MSMB: variants seen among roughly 807,000 people sequenced by gnomAD.
MSMB encodes the protein microseminoprotein beta.
A neutral mutation model predicts 10.5 loss-of-function variants in MSMB; 10 were observed. The observed-to-expected ratio is 0.95, with a 90% confidence interval of 0.59 to 1.62. The LOEUF (loss-of-function observed/expected upper bound fraction) is 1.62. Among genes scored for constraint, MSMB ranks in the 40% most tolerant of loss-of-function variants. The pLI, the probability that MSMB is intolerant of heterozygous loss-of-function variation, is 0.00. For synonymous variants in MSMB, 43 were observed against 46.5 expected (o/e 0.93, Z 0.30); for missense variants, 126 against 137.4 (o/e 0.92, Z 0.42).
Position 46,033,398 on chromosome 10 carries a change from A to T in MSMB, c.*24T>A. 3.1e-6 allele frequency: 5 copies of T among 1,612,244 alleles called. No homozygotes were observed. Among genetic ancestry groups the T allele is most frequent in the Non-Finnish European group, 4.2e-6 (5 of 1,178,704 alleles). Reference sequence around the variant, plus strand: ...AGAGGAGAATGAGGCCTGGCCTGGGAGCCCTGTGCCTACTAGAAGCACATT... The same window carrying T: ...AGAGGAGAATGAGGCCTGGCCTGGGTGCCCTGTGCCTACTAGAAGCACATT... On this transcript the variant is annotated 3_prime_UTR_variant, in exon 4 of 4. Transcript: ENST00000582163.
intron 1 of MSMB, among the ~76,000 whole-genome samples, chr10:46,040,442 G>C (rs1554928348): frequency 6.6e-6 from 1 of 152,200 alleles, no homozygotes; most frequent in Non-Finnish European, 1.5e-5. Flanking sequence ...CGCCCATGCT[G>C]AAGTTCTCTG....
chr10:46,035,982 C>T (rs1169290507), intron 3 of MSMB, among the ~76,000 whole-genome samples: 2 of 152,158 alleles, frequency 1.3e-5, no homozygotes, highest in Admixed American at 6.5e-5. Context: ...TCAATGCAAA[C>T]CAGACTTAGC....
At chr10:46,045,018 G>C (rs1025639032) in intron 1 of MSMB, among the ~76,000 whole-genome samples, 1 of 152,070 alleles carries the variant, frequency 6.6e-6, no homozygotes, top group Non-Finnish European at 1.5e-5. Context: ...GAGCAAGTTT[G>C]TCTTGCCGAG....
chr10:46,040,454 C>G (rs1840715734), intron 1 of MSMB, among the ~76,000 whole-genome samples: 1 of 152,152 alleles, frequency 6.6e-6, no homozygotes, highest in Non-Finnish European at 1.5e-5. Flanking sequence ...AGTTCTCTGC[C>G]ACTAAGCCAA....
chr10:46,039,398 C>T (rs1306326851), intron 2 of MSMB, among the ~76,000 whole-genome samples: 1 of 152,168 alleles, frequency 6.6e-6, no homozygotes, highest in Non-Finnish European at 1.5e-5. Flanking sequence ...ACATTTTTTC[C>T]TACTGGATTA....
chr10:46,038,988 T>C lies in MSMB; in HGVS notation c.193A>G (p.Thr65Ala), dbSNP rs1554927982. ...TACAGGGTGCAACATGAAATTTCTG[T>C]TTCGTAGCAAGTGCATGTCTCACAG... ...DNCETCTCYETEISCCTLVST... is the reference protein window; with the variant it reads ...DNCETCTCYEAEISCCTLVST... Residue 65 changes from threonine to alanine, a missense_variant, in exon 3 of 4, where the codon ACA becomes GCA. Coordinates refer to ENST00000582163, the MANE Select transcript of MSMB (RefSeq NM_002443.4). 1 of 1,613,982 alleles carries C rather than the reference T, an allele frequency of 6.2e-7. No individual in the cohort carries two copies. The highest frequency in any genetic ancestry group is 1.7e-5 in the Admixed American group (1 of 60,022).
intron 3 of MSMB, among the ~76,000 whole-genome samples, chr10:46,038,009 A>G (rs1554927781): frequency 6.6e-6 from 1 of 152,208 alleles, no homozygotes; most frequent in East Asian, 1.9e-4. Context: ...AAGTGAAATG[A>G]GCCAGTCTCA....
intron 3 of MSMB, among the ~76,000 whole-genome samples, chr10:46,036,796 GA>G (rs1473108553): frequency 1.3e-5 from 2 of 152,208 alleles, no homozygotes; most frequent in African/African-American, 4.8e-5. Flanking sequence ...AGAGGGCAGG[GA>G]TGCCAAATCT....
chr10:46,043,548 A>C (rs12357346), intron 1 of MSMB, among the ~76,000 whole-genome samples: 32,834 of 151,932 alleles, frequency 0.22, 4,275 homozygotes, highest in African/African-American at 0.37. Flanking sequence ...AACACAATCT[A>C]GGAGCCAGTG....
At chr10:46,036,572 A>C (rs1840611350) in intron 3 of MSMB, among the ~76,000 whole-genome samples, 1 of 152,194 alleles carries the variant, frequency 6.6e-6, no homozygotes, top group Admixed American at 6.5e-5. Flanking sequence ...TTTAATTATC[A>C]TAGCCACATA....
chr10:46,037,282 G>A (rs1840630946), intron 3 of MSMB, among the ~76,000 whole-genome samples: 1 of 152,178 alleles, frequency 6.6e-6, no homozygotes, highest in Non-Finnish European at 1.5e-5. Flanking sequence ...CCAGGAATCT[G>A]TATTTCATCA....
intron 1 of MSMB, among the ~76,000 whole-genome samples, chr10:46,045,105 T>G (rs1221533582): frequency 1.3e-5 from 2 of 152,200 alleles, no homozygotes; most frequent in African/African-American, 2.4e-5. Flanking sequence ...TGGCTGGCTG[T>G]TTCTTGCCTC....
At chr10:46,038,817 G>A in intron 3 of MSMB, 149 bp downstream of exon 3, 1 of 647,106 alleles carries the variant, frequency 1.5e-6, no homozygotes, top group Non-Finnish European at 2.7e-6. Context: ...GCTCAGTTTT[G>A]CTGTGAATCT....
chr10:46,039,049 G>C lies in MSMB; in HGVS notation c.132C>G (p.Asn44Lys), dbSNP rs1554928004. 6.2e-7 allele frequency: 1 copy of C among 1,614,024 alleles called. No individual in the cohort carries two copies. Among genetic ancestry groups the C allele is most frequent in the Admixed American group, 1.7e-5 (1 of 60,014 alleles). Residue 44 changes from asparagine to lysine, a missense_variant, in exon 3 of 4, where the codon AAC (asparagine) becomes AAG (lysine). Coordinates refer to ENST00000582163, the MANE Select transcript of MSMB (RefSeq NM_002443.4). Reference sequence around the variant, plus strand: ...GCCACTCCGAGTTTATTGGGTGTTTGTTTCCTTTGAGATCCATGCATTCTA... The same window carrying C: ...GCCACTCCGAGTTTATTGGGTGTTTCTTTCCTTTGAGATCCATGCATTCTA... Reference protein sequence around the residue: ...STRKCMDLKGNKHPINSEWQT... With the variant: ...STRKCMDLKGKKHPINSEWQT...
At chr10:46,041,578 G>A (rs782620400) in intron 1 of MSMB, among the ~76,000 whole-genome samples, 2 of 152,086 alleles carry the variant, frequency 1.3e-5, no homozygotes, top group Non-Finnish European at 2.9e-5. Context: ...CACATCGCTT[G>A]AGCTCAGGAG....
At position 46,039,161 on chromosome 10, in the gene MSMB, C is replaced by A. The variant is rs1427286410; in HGVS notation, c.110-90G>T. On this transcript the variant is annotated intron_variant, in intron 2 of 3. Transcript: ENST00000582163. ...TTGAGTCCTGCCCCTACTATCTACA[C>A]CCCTCCCAGAGAGAGAGGAGCTCAA... 4.6e-6 allele frequency: 5 copies of A among 1,088,250 alleles called. No individual in the cohort carries two copies. The East Asian group carries it at 7.6e-5, about 17-fold the overall frequency. 67.4% of individuals were successfully genotyped at this position (1,088,250 alleles called of 1,614,324 possible).
At chr10:46,035,040 T>TG (rs1469111886) in intron 3 of MSMB, among the ~76,000 whole-genome samples, 1 of 152,170 alleles carries the variant, frequency 6.6e-6, no homozygotes, top group African/African-American at 2.4e-5. Context: ...TTTACACAGT[T>TG]GGGATTATGA....
At chr10:46,041,057 T>C (rs1276223829) in intron 1 of MSMB, among the ~76,000 whole-genome samples, 5 of 152,042 alleles carry the variant, frequency 3.3e-5, no homozygotes, top group African/African-American at 1.2e-4. Flanking sequence ...TAAAAGTTAA[T>C]TGAGGGCCAG....
At chr10:46,039,125 C>T in intron 2 of MSMB, 54 bp from the exon 3 acceptor site, 8 of 1,501,432 alleles carry the variant, frequency 5.3e-6, no homozygotes, top group Non-Finnish European at 6.5e-6. Flanking sequence ...AGAACAAGGC[C>T]TATCAGGACA....
Sources: gnomAD v4.1 joint callset for allele counts (sites outside exome capture counted in the v4.1 genomes callset) on GRCh38, gnomAD v4.1.1 for gene constraint, MANE v1.5 for transcripts, NCBI Gene and HGNC (gene_info 2026-07-23, HGNC 2026-07-21) for gene names.